SLC24A3: variants seen among roughly 807,000 people sequenced by gnomAD.
SLC24A3 encodes the protein sodium/potassium/calcium exchanger 3.
Under a neutral mutation model 75.8 loss-of-function variants are expected in SLC24A3, and 28 were observed. The ratio of observed to expected loss-of-function variants is 0.37; its 90% confidence interval spans 0.27 to 0.51. SLC24A3 has a LOEUF of 0.51. Ranked by LOEUF, SLC24A3 falls within the 20% of genes least tolerant of loss-of-function variation. The pLI is 0.94. For synonymous variants in SLC24A3, 372 were observed against 334.1 expected (o/e 1.11, Z -1.24); for missense variants, 663 against 847.8 (o/e 0.78, Z 2.71).
At chr20:19,695,405 A>T (rs1185818204) in intron 13 of SLC24A3, 1 of 152,186 alleles carries the variant, frequency 6.6e-6, no homozygotes, top group African/African-American at 2.4e-5. Context: ...TTGGGCCCAC[A>T]TGCAGGGAAT....
At chr20:19,673,680 C>T in intron 9 of SLC24A3, 26 bp downstream of exon 9, 1 of 1,590,636 alleles carries the variant, frequency 6.3e-7, no homozygotes, top group South Asian at 1.1e-5. Flanking sequence ...CATTTCTTAT[C>T]CAAAACTGTT....
chr20:19,678,509 G>C (rs1424966839), intron 9 of SLC24A3, among the ~76,000 whole-genome samples: 36 of 136,972 alleles, frequency 2.6e-4, no homozygotes, highest in African/African-American at 9.1e-4. Context: ...GGCCGGGCGG[G>C]GGGCTGACCC....
At chr20:19,494,062 G>T (rs955926433) in intron 2 of SLC24A3, among the ~76,000 whole-genome samples, 3 of 152,230 alleles carry the variant, frequency 2.0e-5, no homozygotes, top group Non-Finnish European at 4.4e-5. Context: ...TGCATGGAGG[G>T]GGAGAGGGTC....
At chr20:19,460,305 C>A (rs1322568160) in intron 2 of SLC24A3, among the ~76,000 whole-genome samples, 1 of 152,070 alleles carries the variant, frequency 6.6e-6, no homozygotes, top group African/African-American at 2.4e-5. Flanking sequence ...CCCTGAGTTA[C>A]CCTATAGGCC....
At chr20:19,517,913 C>T (rs1324772062) in intron 3 of SLC24A3, among the ~76,000 whole-genome samples, 1 of 152,168 alleles carries the variant, frequency 6.6e-6, no homozygotes, top group Non-Finnish European at 1.5e-5. Flanking sequence ...GGTGCCATCC[C>T]CAAGGCCCAA....
intron 6 of SLC24A3, among the ~76,000 whole-genome samples, chr20:19,623,212 C>T (rs2031826675): frequency 6.6e-6 from 1 of 152,206 alleles, no homozygotes; most frequent in African/African-American, 2.4e-5. Flanking sequence ...ACAAGTGGCT[C>T]CCATGGGCTC....
intron 6 of SLC24A3, among the ~76,000 whole-genome samples, chr20:19,593,781 A>G (rs763972088): frequency 1.7e-4 from 26 of 152,334 alleles, no homozygotes; most frequent in African/African-American, 4.1e-4. Flanking sequence ...TTCACAGCTC[A>G]GTGCCCTCTT....
At chr20:19,575,142 C>T (rs1490174318) in intron 3 of SLC24A3, among the ~76,000 whole-genome samples, 1 of 150,754 alleles carries the variant, frequency 6.6e-6, no homozygotes, top group Non-Finnish European at 1.5e-5. Flanking sequence ...GTCCCAGCTA[C>T]TCAGGCAGCT....
intron 2 of SLC24A3, among the ~76,000 whole-genome samples, chr20:19,287,938 C>T (rs1983853861): frequency 6.6e-6 from 1 of 152,154 alleles, no homozygotes; most frequent in Admixed American, 6.5e-5. Flanking sequence ...GCCTTCTTCC[C>T]AGGCTTGTGG....
Position 19,562,511 on chromosome 20 carries a change from CAA to C in SLC24A3, c.349-17488_349-17487del, listed in dbSNP as rs1325543453. ...GTGCCCAACTGAGCTAATTGTCTAA[CAA>C]GAGAGGTTTTGAACTTCCTAGTTAG... On this transcript the variant is annotated intron_variant, in intron 3 of 16. Transcript: ENST00000328041. 4.6e-5 allele frequency among the ~76,000 whole-genome samples: 7 copies of C among 152,164 alleles called. 1 individual carries two copies. The highest frequency in any genetic ancestry group is 3.9e-4 in the Admixed American group (6 of 15,278).
chr20:19,257,972 C>T (rs1982866169), intron 1 of SLC24A3, among the ~76,000 whole-genome samples: 1 of 152,244 alleles, frequency 6.6e-6, no homozygotes, highest in South Asian at 2.1e-4. Context: ...ACTACAGGCA[C>T]ACGCATCACT....
At chr20:19,571,456 G>A (rs542455284) in intron 3 of SLC24A3, among the ~76,000 whole-genome samples, 11 of 152,246 alleles carry the variant, frequency 7.2e-5, no homozygotes, top group African/African-American at 2.6e-4. Context: ...GAGGAAGAGG[G>A]AGAGAGAGGA....
intron 6 of SLC24A3, among the ~76,000 whole-genome samples, chr20:19,588,984 G>T (rs2031337197): frequency 6.6e-6 from 1 of 152,238 alleles, no homozygotes; most frequent in Non-Finnish European, 1.5e-5. Flanking sequence ...TCTTTGGCAA[G>T]GCCCATCTCA....
chr20:19,219,983 G>T (rs1287114651), intron 1 of SLC24A3, among the ~76,000 whole-genome samples: 1 of 152,208 alleles, frequency 6.6e-6, no homozygotes. Flanking sequence ...CAATTGACAT[G>T]TAGAAAGGGA....
chr20:19,716,075 C>A (rs1487096172), intron 15 of SLC24A3, among the ~76,000 whole-genome samples: 1 of 152,188 alleles, frequency 6.6e-6, no homozygotes, highest in Admixed American at 6.5e-5. Flanking sequence ...AGTTAAAGCA[C>A]AGATTCTTGG....
chr20:19,637,920 T>C (rs1329180625), intron 6 of SLC24A3, among the ~76,000 whole-genome samples: 1 of 152,212 alleles, frequency 6.6e-6, no homozygotes, highest in Non-Finnish European at 1.5e-5. Flanking sequence ...TATAAGAGAA[T>C]GCAGGACATA....
chr20:19,533,890 A>G (rs61627858), intron 3 of SLC24A3, among the ~76,000 whole-genome samples: 19,230 of 152,264 alleles, frequency 0.13, 1,352 homozygotes, highest in East Asian at 0.17. Flanking sequence ...ACATCTCAAA[A>G]GAAGAGCTAC....
At chr20:19,707,005 T>C (rs1159000905) in intron 15 of SLC24A3, among the ~76,000 whole-genome samples, 1 of 152,202 alleles carries the variant, frequency 6.6e-6, no homozygotes, top group Non-Finnish European at 1.5e-5. Context: ...GTCTGCTCCA[T>C]GTGCCTCTCA....
At chr20:19,516,282 C>G (rs531854855) in intron 3 of SLC24A3, among the ~76,000 whole-genome samples, 17 of 152,156 alleles carry the variant, frequency 1.1e-4, no homozygotes, top group African/African-American at 4.1e-4. Context: ...ATACATGTGA[C>G]GATGTCTAAG....
Sources: allele counts gnomAD v4.1 joint callset (sites outside exome capture counted in the v4.1 genomes callset), GRCh38; gene constraint gnomAD v4.1.1; transcripts MANE v1.5; gene names NCBI Gene and HGNC (gene_info 2026-07-23, HGNC 2026-07-21).